The following GSE1 variants were observed in gnomAD, a reference collection of about 807,000 sequenced individuals.
GSE1 encodes the protein Gse1 coiled-coil protein.
In GSE1, 32 loss-of-function variants were observed where a neutral mutation model predicts 112.6. The observed-to-expected ratio is 0.28, with a 90% CI of 0.21 to 0.38. GSE1 has a LOEUF of 0.38. Ranked by LOEUF, GSE1 falls within the 10% of genes least tolerant of loss-of-function variation. GSE1 has a pLI of 1.00. For missense variants in GSE1, 2,348 were observed against 1,699.2 expected, an observed-to-expected ratio of 1.38 and a Z score of -6.71; for synonymous variants, 1,115 against 735.6, an observed-to-expected ratio of 1.52 and a Z score of -8.35.
chr16:85,483,033 C>G (rs1429521254), intron 2 of GSE1, among the ~76,000 whole-genome samples: 1 of 151,850 alleles, frequency 6.6e-6, no homozygotes, highest in Non-Finnish European at 1.5e-5. Context: ...GACGCTACAT[C>G]TGGAAGATTC....
intron 1 of GSE1, among the ~76,000 whole-genome samples, chr16:85,175,288 G>C (rs908693361): frequency 6.6e-6 from 1 of 152,172 alleles, no homozygotes; most frequent in Non-Finnish European, 1.5e-5. Context: ...TGTGTCTGGG[G>C]TGGCCTGGGG....
At chr16:85,323,791 C>T (rs955713066) in intron 1 of GSE1, among the ~76,000 whole-genome samples, 2 of 152,212 alleles carry the variant, frequency 1.3e-5, no homozygotes, top group African/African-American at 4.8e-5. Flanking sequence ...CCCTAATGTG[C>T]TGCATTGTTG....
intron 2 of GSE1, among the ~76,000 whole-genome samples, chr16:85,545,979 G>C (rs1299712673): frequency 6.6e-6 from 1 of 152,092 alleles, no homozygotes; most frequent in Non-Finnish European, 1.5e-5. Context: ...TAGAGACGGG[G>C]TTTCACTGTG....
At chr16:85,426,693 G>GATAA (rs2048999927) in intron 2 of GSE1, among the ~76,000 whole-genome samples, 1 of 128,344 alleles carries the variant, frequency 7.8e-6, no homozygotes, top group Non-Finnish European at 1.7e-5. Flanking sequence ...AGGATGGGTA[G>GATAA]ATGGGTGGGT....
chr16:85,462,660 C>G lies in GSE1; in HGVS notation c.2464+105017C>G, dbSNP rs892632032. 8.4e-5 allele frequency among the ~76,000 whole-genome samples: 5 copies of G among 59,514 alleles called. No individual in the cohort carries two copies. The East Asian group carries it at 1.9e-3, about 22-fold the overall frequency. 39.0% of individuals were successfully genotyped at this position (59,514 alleles called of 152,430 possible). A position where few individuals can be genotyped will look rare whatever the true frequency, so the allele number is the denominator to read the frequency against. On this transcript the variant is annotated intron_variant, in intron 2 of 2. Coordinates refer to the GSE1 transcript ENST00000637419. ...CAAGTGCAGGGGAGCGGAGGCTGCC[C>G]GGGGAGCGCGGGCGGGGGAGGGCGG...
At chr16:85,270,346 G>C (rs913711144) in intron 1 of GSE1, among the ~76,000 whole-genome samples, 2 of 148,954 alleles carry the variant, frequency 1.3e-5, no homozygotes, top group African/African-American at 4.9e-5. Flanking sequence ...TGGATAGAGA[G>C]AGTCTCCTTC....
chr16:85,452,891 T>A (rs1287073619), intron 2 of GSE1, among the ~76,000 whole-genome samples: 1 of 151,720 alleles, frequency 6.6e-6, no homozygotes. Flanking sequence ...CAGTGCTGGG[T>A]GGGGGACTGG....
chr16:85,460,343 G>A (rs958926485), intron 2 of GSE1, among the ~76,000 whole-genome samples: 2 of 152,284 alleles, frequency 1.3e-5, no homozygotes, highest in East Asian at 1.9e-4. Context: ...GCTCAGGGGT[G>A]CGGCCCAGCC....
intron 1 of GSE1, among the ~76,000 whole-genome samples, chr16:85,286,833 G>C (rs961856307): frequency 2.0e-5 from 3 of 152,202 alleles, no homozygotes; most frequent in Non-Finnish European, 4.4e-5. Context: ...TCCCTGTGTA[G>C]GGATTAAAAA....
intron 2 of GSE1, among the ~76,000 whole-genome samples, chr16:85,505,663 CT>C (rs1470993370): frequency 1.3e-5 from 2 of 152,080 alleles, no homozygotes; most frequent in African/African-American, 4.8e-5. Context: ...ATAGACACCC[CT>C]AATACATGAT....
At chr16:85,612,983 G>A (rs887787089), upstream of GSE1, among the ~76,000 whole-genome samples, 54 of 152,324 alleles carry the variant, frequency 3.5e-4, no homozygotes, top group African/African-American at 1.2e-3. Context: ...CCAGCCAGGG[G>A]CTCCCGAGAG....
chr16:85,590,533 G>A (rs2046957687), intron 1 of GSE1, among the ~76,000 whole-genome samples: 3 of 151,122 alleles, frequency 2.0e-5, no homozygotes, highest in African/African-American at 7.3e-5. Flanking sequence ...GATTGTGTGA[G>A]CATGTGTGAC....
intron 1 of GSE1, among the ~76,000 whole-genome samples, chr16:85,172,414 A>G (rs1368238611): frequency 6.6e-6 from 1 of 152,234 alleles, no homozygotes; most frequent in African/African-American, 2.4e-5. Flanking sequence ...CCCAGCGGGA[A>G]GAGAGTCTTT....
At chr16:85,215,019 GC>G (rs965435864) in intron 1 of GSE1, among the ~76,000 whole-genome samples, 1 of 152,234 alleles carries the variant, frequency 6.6e-6, no homozygotes, top group African/African-American at 2.4e-5. Flanking sequence ...CAGCTAGAGT[GC>G]CCAGAGAAGA....
At chr16:85,379,609 C>T (rs1452327201) in intron 2 of GSE1, among the ~76,000 whole-genome samples, 1 of 152,212 alleles carries the variant, frequency 6.6e-6, no homozygotes, top group Non-Finnish European at 1.5e-5. Flanking sequence ...AGCAGCAGCC[C>T]AGCTCCTGGG....
intron 15 of GSE1, among the ~76,000 whole-genome samples, chr16:85,671,458 G>A (rs72803005): frequency 0.37 from 36,294 of 96,866 alleles, 7,087 homozygotes; most frequent in East Asian, 0.58. Flanking sequence ...AAAAAAAAAA[G>A]ATCAAAATTT....
At chr16:85,372,305 C>T (rs532300203) in intron 2 of GSE1, among the ~76,000 whole-genome samples, 1 of 152,092 alleles carries the variant, frequency 6.6e-6, no homozygotes, top group Non-Finnish European at 1.5e-5. Context: ...GGCAAAACCC[C>T]ATCTCTAAAA....
intron 2 of GSE1, among the ~76,000 whole-genome samples, chr16:85,524,608 G>A (rs1043233435): frequency 7.9e-5 from 12 of 152,126 alleles, no homozygotes; most frequent in African/African-American, 2.4e-4. Flanking sequence ...GCCCTGGGCC[G>A]GGAGGGGCTG....
At chr16:85,627,260 C>T (rs2151689424) in intron 1 of GSE1, among the ~76,000 whole-genome samples, 1 of 151,342 alleles carries the variant, frequency 6.6e-6, no homozygotes, top group Non-Finnish European at 1.5e-5. Context: ...TTTTGCGGTG[C>T]TGTGGGCTGC....
Sources: allele counts gnomAD v4.1 joint callset (sites outside exome capture counted in the v4.1 genomes callset), GRCh38; gene constraint gnomAD v4.1.1; transcripts MANE v1.5; gene names NCBI Gene and HGNC (gene_info 2026-07-23, HGNC 2026-07-21).